Variants in TRAPPC3L observed in about 807,000 individuals in gnomAD.
TRAPPC3L encodes trafficking protein particle complex subunit 3L.
TRAPPC3L carries 23 observed loss-of-function variants against 23.7 expected under a neutral mutation model. That is an observed-to-expected ratio of 0.97 (90% CI 0.70 to 1.37). TRAPPC3L has a LOEUF of 1.37. Among genes scored for constraint, TRAPPC3L ranks in the 40% most tolerant of loss-of-function variants. The pLI, the probability that TRAPPC3L is intolerant of heterozygous loss-of-function variation, is 0.00. For synonymous variants in TRAPPC3L, 81 were observed against 77.9 expected (o/e 1.04, Z -0.21); for missense variants, 212 against 216.8 (o/e 0.98, Z 0.14).
intron 4 of TRAPPC3L, among the ~76,000 whole-genome samples, chr6:116,499,396 T>G (rs1055952911): frequency 1.3e-5 from 2 of 152,220 alleles, no homozygotes; most frequent in Non-Finnish European, 2.9e-5. Context: ...TTTCATTTGG[T>G]TGATAAAGAA....
chr6:116,500,474 A>T lies in TRAPPC3L; in HGVS notation c.426+7T>A. On this transcript the variant is annotated splice_region_variant and intron_variant, in intron 4 of 4. Transcript: ENST00000368602. ...TCTTCATTCATTCTTCACTTATTCA[A>T]CTTTACCATTTCCAAGGCACCTCTG... 6.5e-7 allele frequency: 1 copy of T among 1,545,444 alleles called. No individual in the cohort carries two copies. The highest frequency in any genetic ancestry group is 1.2e-5 in the South Asian group (1 of 83,518).
At chr6:116,538,985 C>T (rs564963818) in intron 3 of TRAPPC3L, among the ~76,000 whole-genome samples, 53 of 152,178 alleles carry the variant, frequency 3.5e-4, no homozygotes, top group Non-Finnish European at 7.1e-4. Context: ...GTGATTTGCC[C>T]ACACTAAGCT....
chr6:116,509,858 G>A (rs568282419), intron 3 of TRAPPC3L, among the ~76,000 whole-genome samples: 6 of 152,110 alleles, frequency 3.9e-5, no homozygotes, highest in Admixed American at 6.6e-5. Flanking sequence ...CTTCTGCACA[G>A]CAAAAGAAAT....
chr6:116,514,040 A>G (rs1393622790), intron 3 of TRAPPC3L, among the ~76,000 whole-genome samples: 3 of 152,134 alleles, frequency 2.0e-5, no homozygotes, highest in African/African-American at 7.2e-5. Flanking sequence ...GGTACACAGT[A>G]TTTGTTCCAA....
intron 4 of TRAPPC3L, among the ~76,000 whole-genome samples, chr6:116,499,310 C>T (rs1771878135): frequency 6.6e-6 from 1 of 152,124 alleles, no homozygotes; most frequent in Non-Finnish European, 1.5e-5. Flanking sequence ...GTTTTGTTCT[C>T]GTTTTACCTG....
intron 3 of TRAPPC3L, among the ~76,000 whole-genome samples, chr6:116,511,087 T>A (rs998371350): frequency 7.0e-6 from 1 of 143,030 alleles, no homozygotes; most frequent in East Asian, 2.1e-4. Context: ...ATGGGTGCAC[T>A]AAAATCTCAT....
intron 3 of TRAPPC3L, among the ~76,000 whole-genome samples, chr6:116,538,114 C>A (rs1290070376): frequency 6.6e-6 from 1 of 152,120 alleles, no homozygotes; most frequent in Non-Finnish European, 1.5e-5. Context: ...ACTAGAGAAG[C>A]TTTGTTCCCT....
intron 4 of TRAPPC3L, among the ~76,000 whole-genome samples, chr6:116,498,982 C>G (rs930247068): frequency 4.7e-4 from 72 of 152,174 alleles, no homozygotes; most frequent in African/African-American, 1.6e-3. Flanking sequence ...ATCCATGTCT[C>G]TCTGTGATCT....
chr6:116,512,187 T>C lies in TRAPPC3L; in HGVS notation c.241-11521A>G. ...GTATCTTGTGGCAAAACTAGCATGC[T>C]ACCTACCGTCAATGAAGAACTGAAA... On this transcript the variant is annotated intron_variant, in intron 3 of 4. Transcript: ENST00000368602. 4 of 1,609,554 alleles carry C rather than the reference T, an allele frequency of 2.5e-6. No individual in the cohort carries two copies. In the African/African-American group the frequency reaches 4.0e-5, roughly 16 times the overall value.
chr6:116,503,812 C>G (rs754435734), intron 3 of TRAPPC3L, among the ~76,000 whole-genome samples: 11 of 152,138 alleles, frequency 7.2e-5, no homozygotes, highest in Non-Finnish European at 1.5e-4. Flanking sequence ...TAAAGATGTT[C>G]TTAGAAACCA....
intron 3 of TRAPPC3L, among the ~76,000 whole-genome samples, chr6:116,538,881 C>T (rs1258796358): frequency 6.6e-6 from 1 of 152,016 alleles, no homozygotes; most frequent in Non-Finnish European, 1.5e-5. Context: ...ACAGCTGTGC[C>T]ACCACGCCCG....
intron 3 of TRAPPC3L, among the ~76,000 whole-genome samples, chr6:116,525,001 A>G (rs1772418615): frequency 6.6e-6 from 1 of 152,212 alleles, no homozygotes. Flanking sequence ...GCTAGAGTCC[A>G]AAAAGGCTAA....
chr6:116,496,732 A>C lies in TRAPPC3L; in HGVS notation c.*222T>G. 1 of 500,858 alleles carries C rather than the reference A, an allele frequency of 2.0e-6. No homozygotes were observed. Among genetic ancestry groups the C allele is most frequent in the Non-Finnish European group, 3.3e-6 (1 of 300,148 alleles). The allele number at this position is 500,858 out of a possible 1,614,324, so 31.0% of individuals were successfully genotyped here. Reference sequence around the variant, plus strand: ...CCTGCCTGCTATCTTGTAAGGAGCTATTTGCATATGAAATTTTGTGGACAT... The same window carrying C: ...CCTGCCTGCTATCTTGTAAGGAGCTCTTTGCATATGAAATTTTGTGGACAT... On this transcript the variant is annotated 3_prime_UTR_variant, in exon 5 of 5. Transcript: ENST00000368602.
intron 3 of TRAPPC3L, chr6:116,512,377 C>A: frequency 1.0e-6 from 1 of 972,352 alleles, no homozygotes; most frequent in Non-Finnish European, 1.5e-6. Flanking sequence ...AGCATTGAGA[C>A]TATCTCAGGA....
chr6:116,512,287 C>A, intron 3 of TRAPPC3L: 1 of 1,522,548 alleles, frequency 6.6e-7, no homozygotes, highest in South Asian at 1.2e-5. Context: ...TCGAAGTATT[C>A]TCTCTGTGCT....
chr6:116,531,068 T>C (rs1413896440), intron 3 of TRAPPC3L, among the ~76,000 whole-genome samples: 2 of 151,962 alleles, frequency 1.3e-5, no homozygotes, highest in Non-Finnish European at 2.9e-5. Context: ...GATCACCATG[T>C]TCTATCTAAT....
intron 1 of TRAPPC3L, 143 bp downstream of exon 1, chr6:116,545,330 G>T (rs1300962290): frequency 3.5e-6 from 2 of 579,406 alleles, no homozygotes; most frequent in Non-Finnish European, 5.9e-6. Context: ...ATTCCTAGAT[G>T]TGTCATTTAT....
At chr6:116,513,704 A>G (rs1369993002) in intron 3 of TRAPPC3L, among the ~76,000 whole-genome samples, 1 of 152,220 alleles carries the variant, frequency 6.6e-6, no homozygotes, top group Non-Finnish European at 1.5e-5. Flanking sequence ...GGCAGGAGGC[A>G]GCATATAGTC....
At chr6:116,536,437 T>C (rs1041161351) in intron 3 of TRAPPC3L, among the ~76,000 whole-genome samples, 4 of 152,192 alleles carry the variant, frequency 2.6e-5, no homozygotes, top group Admixed American at 1.3e-4. Context: ...GAGGGGAATG[T>C]TATGAATACC....
Sources: gnomAD v4.1 joint callset for allele counts (sites outside exome capture counted in the v4.1 genomes callset) on GRCh38, gnomAD v4.1.1 for gene constraint, MANE v1.5 for transcripts, NCBI Gene and HGNC (gene_info 2026-07-23, HGNC 2026-07-21) for gene names.